FHIT: variants seen among roughly 807,000 people sequenced by gnomAD.
FHIT encodes the protein bis(5'-adenosyl)-triphosphatase.
In FHIT, 19 loss-of-function variants were observed where a neutral mutation model predicts 17.9. That is an observed-to-expected ratio of 1.06 (90% CI 0.74 to 1.56). FHIT has a LOEUF of 1.56. Among genes scored for constraint, FHIT ranks in the 40% most tolerant of loss-of-function variants. FHIT has a pLI of 0.00. For synonymous variants in FHIT, 81 were observed against 69.7 expected, an observed-to-expected ratio of 1.16 and a Z score of -0.81; for missense variants, 248 against 189.2, an observed-to-expected ratio of 1.31 and a Z score of -1.82.
chr3:61,213,026 A>G (rs1321723771), intron 1 of FHIT, among the ~76,000 whole-genome samples: 2 of 152,236 alleles, frequency 1.3e-5, no homozygotes, highest in Non-Finnish European at 2.9e-5. Context: ...GGAAAGGAAC[A>G]ACCAGTACCA....
intron 5 of FHIT, among the ~76,000 whole-genome samples, chr3:60,458,372 A>G (rs962783888): frequency 6.7e-6 from 1 of 149,708 alleles, no homozygotes; most frequent in African/African-American, 2.4e-5. Flanking sequence ...ATAGGTGGGA[A>G]TTGAACTATG....
intron 4 of FHIT, among the ~76,000 whole-genome samples, chr3:60,605,879 T>TTGAACATG (rs1465908442): frequency 6.6e-6 from 1 of 152,132 alleles, no homozygotes; most frequent in African/African-American, 2.4e-5. Context: ...TTCTCAAACT[T>TTGAACATG]TGAACATGTG....
chr3:60,620,965 T>G (rs112275800), intron 4 of FHIT, among the ~76,000 whole-genome samples: 1 of 151,974 alleles, frequency 6.6e-6, no homozygotes, highest in African/African-American at 2.4e-5. Context: ...AAAAAAGAAA[T>G]AGTGTATTGA....
At chr3:61,153,014 G>A (rs1224157504) in intron 2 of FHIT, among the ~76,000 whole-genome samples, 3 of 151,962 alleles carry the variant, frequency 2.0e-5, no homozygotes, top group Non-Finnish European at 2.9e-5. Flanking sequence ...GTGGTGACAC[G>A]CACCTGTAGT....
intron 4 of FHIT, among the ~76,000 whole-genome samples, chr3:60,571,086 G>T (rs2037362607): frequency 1.3e-5 from 2 of 152,016 alleles, no homozygotes; most frequent in African/African-American, 4.8e-5. Flanking sequence ...CCAGCACTTT[G>T]GGAGGCCGAG....
At chr3:60,451,161 ATT>A (rs1455348734) in intron 5 of FHIT, among the ~76,000 whole-genome samples, 2 of 93,778 alleles carry the variant, frequency 2.1e-5, no homozygotes, top group East Asian at 2.6e-4. Flanking sequence ...TTTTTACTTT[ATT>A]TTTTTTAACC....
chr3:60,114,827 T>C (rs895830257), intron 5 of FHIT, among the ~76,000 whole-genome samples: 7 of 151,966 alleles, frequency 4.6e-5, no homozygotes, highest in African/African-American at 1.5e-4. Flanking sequence ...TGAAGAGTAA[T>C]AGCAATTGTT....
chr3:60,509,927 C>G (rs185570918), intron 5 of FHIT, among the ~76,000 whole-genome samples: 9 of 152,192 alleles, frequency 5.9e-5, no homozygotes, highest in African/African-American at 2.2e-4. Flanking sequence ...ACCGTCTCAA[C>G]CTTTGCCAAC....
chr3:60,499,319 G>A (rs1391707045), intron 5 of FHIT, among the ~76,000 whole-genome samples: 1 of 152,038 alleles, frequency 6.6e-6, no homozygotes, highest in East Asian at 1.9e-4. Context: ...CAAAAATGAA[G>A]TCCTTAGAAG....
At chr3:59,765,362 T>C (rs1701742107) in intron 8 of FHIT, among the ~76,000 whole-genome samples, 1 of 152,236 alleles carries the variant, frequency 6.6e-6, no homozygotes, top group African/African-American at 2.4e-5. Flanking sequence ...TCTTTAAAAC[T>C]TTCTAGCCCA....
chr3:59,908,610 C>T (rs1014754893), intron 8 of FHIT, among the ~76,000 whole-genome samples: 5 of 152,066 alleles, frequency 3.3e-5, no homozygotes, highest in Admixed American at 1.3e-4. Context: ...AAGGAAACAA[C>T]AGCCAAGGAC....
At chr3:60,626,119 G>A (rs1258069982) in intron 4 of FHIT, among the ~76,000 whole-genome samples, 1 of 152,048 alleles carries the variant, frequency 6.6e-6, no homozygotes, top group Non-Finnish European at 1.5e-5. Context: ...ACACTCTCTT[G>A]ATCACTGTAG....
At chr3:60,549,682 C>T (rs924095731) in intron 4 of FHIT, among the ~76,000 whole-genome samples, 1 of 152,072 alleles carries the variant, frequency 6.6e-6, no homozygotes, top group African/African-American at 2.4e-5. Context: ...AGGAATACAA[C>T]ATAAAGGGAA....
chr3:60,543,127 C>T (rs1014255390), intron 4 of FHIT, among the ~76,000 whole-genome samples: 5 of 151,990 alleles, frequency 3.3e-5, no homozygotes, highest in Non-Finnish European at 5.9e-5. Flanking sequence ...AAGGACCAGA[C>T]ACAGCAGGCC....
intron 5 of FHIT, among the ~76,000 whole-genome samples, chr3:60,472,661 C>A (rs1040498435): frequency 7.9e-5 from 12 of 152,122 alleles, no homozygotes; most frequent in Admixed American, 7.9e-4. Context: ...GAGCCATGTA[C>A]AATGCTGTTT....
At chr3:60,097,977 G>A (rs922202139) in intron 5 of FHIT, among the ~76,000 whole-genome samples, 6 of 148,270 alleles carry the variant, frequency 4.0e-5, no homozygotes, top group Non-Finnish European at 5.9e-5. Flanking sequence ...TGGTTTTTTT[G>A]TCCTTGCCAT....
chr3:60,468,073 C>T (rs2032894381), intron 5 of FHIT, among the ~76,000 whole-genome samples: 1 of 152,028 alleles, frequency 6.6e-6, no homozygotes, highest in Non-Finnish European at 1.5e-5. Context: ...TAGTTTTTGT[C>T]TTGAAGGCTA....
At chr3:60,949,986 A>G (rs1553776781) in intron 3 of FHIT, among the ~76,000 whole-genome samples, 11 of 152,232 alleles carry the variant, frequency 7.2e-5, no homozygotes. Context: ...GACAGACCAC[A>G]TATATGATAT....
At chr3:60,265,164 G>C (rs1706506680) in intron 5 of FHIT, among the ~76,000 whole-genome samples, 1 of 151,850 alleles carries the variant, frequency 6.6e-6, no homozygotes, top group Admixed American at 6.6e-5. Flanking sequence ...ATTAAAGTTT[G>C]TTTTCTTTAT....
Sources: allele counts gnomAD v4.1 joint callset (sites outside exome capture counted in the v4.1 genomes callset), GRCh38; gene constraint gnomAD v4.1.1; transcripts MANE v1.5; gene names NCBI Gene and HGNC (gene_info 2026-07-23, HGNC 2026-07-21).